Variants in PRCP observed in about 807,000 individuals in gnomAD.
The protein encoded by PRCP is lysosomal Pro-X carboxypeptidase.
A neutral mutation model predicts 54.2 loss-of-function variants in PRCP; 46 were observed. That is an observed-to-expected ratio of 0.85 (90% CI 0.67 to 1.09). PRCP has a LOEUF of 1.09. Among genes scored for constraint, PRCP ranks in the 50% least tolerant of loss-of-function variants. The pLI is 0.00. For synonymous variants in PRCP, 240 were observed against 212.2 expected, an observed-to-expected ratio of 1.13 and a Z score of -1.14; for missense variants, 613 against 596.8, an observed-to-expected ratio of 1.03 and a Z score of -0.28.
At chr11:82,889,983 CT>C (rs1342380577) in intron 1 of PRCP, among the ~76,000 whole-genome samples, 1 of 151,520 alleles carries the variant, frequency 6.6e-6, no homozygotes, top group Admixed American at 6.6e-5. Context: ...GTAATAGGGG[CT>C]GCAAAAAGGG....
At chr11:82,857,312 C>CA (rs1424870928) in intron 2 of PRCP, among the ~76,000 whole-genome samples, 1 of 152,182 alleles carries the variant, frequency 6.6e-6, no homozygotes, top group Non-Finnish European at 1.5e-5. Flanking sequence ...ATTATCACAG[C>CA]AATCTATGAA....
intron 8 of PRCP, chr11:82,830,124 C>T (rs576629077): frequency 2.0e-5 from 3 of 151,828 alleles, no homozygotes; most frequent in Non-Finnish European, 1.5e-5. Context: ...TACTGTGAGA[C>T]CCAAGTCAAA....
At chr11:82,836,735 A>G in intron 8 of PRCP, 1 of 229,074 alleles carries the variant, frequency 4.4e-6, no homozygotes, top group Non-Finnish European at 8.8e-6. Flanking sequence ...TTTTGTAGAG[A>G]TGGGGTTTCA....
intron 1 of PRCP, among the ~76,000 whole-genome samples, chr11:82,892,298 T>A (rs1860022530): frequency 6.6e-6 from 1 of 152,126 alleles, no homozygotes; most frequent in Admixed American, 6.5e-5. Context: ...ATATTAATAA[T>A]AATTAAAAAG....
At chr11:82,897,626 C>A (rs1360757566) in intron 1 of PRCP, among the ~76,000 whole-genome samples, 1 of 152,178 alleles carries the variant, frequency 6.6e-6, no homozygotes. Context: ...CAGTAAAAGT[C>A]ACTTGAGTCT....
At chr11:82,879,809 C>A (rs531448026) in intron 1 of PRCP, among the ~76,000 whole-genome samples, 3 of 152,310 alleles carry the variant, frequency 2.0e-5, no homozygotes, top group African/African-American at 7.2e-5. Context: ...CCCTTCCAGA[C>A]CCTGTTTGCC....
intron 1 of PRCP, chr11:82,899,942 T>G: frequency 1.9e-5 from 7 of 375,928 alleles, no homozygotes; most frequent in East Asian, 6.1e-5. Context: ...GGAGTTCGGA[T>G]TGGGGCACCC....
At chr11:82,871,184 T>TTG (rs1386583196) in intron 1 of PRCP, among the ~76,000 whole-genome samples, 2 of 148,428 alleles carry the variant, frequency 1.3e-5, no homozygotes, top group Non-Finnish European at 3.0e-5. Context: ...TCTCTTTTTT[T>TTG]TTTTTTTTTT....
intron 3 of PRCP, 22 bp downstream of exon 3, chr11:82,853,155 T>G: frequency 6.5e-7 from 1 of 1,537,314 alleles, no homozygotes; most frequent in Admixed American, 1.9e-5. Context: ...GCTTGTAACT[T>G]TTAAGTAAAA....
At chr11:82,892,251 T>C (rs1354290546) in intron 1 of PRCP, among the ~76,000 whole-genome samples, 1 of 152,188 alleles carries the variant, frequency 6.6e-6, no homozygotes, top group African/African-American at 2.4e-5. Flanking sequence ...TTAACCTCTA[T>C]GAGTTTCAAT....
chr11:82,891,025 A>C (rs1399636374), intron 1 of PRCP, among the ~76,000 whole-genome samples: 2 of 152,234 alleles, frequency 1.3e-5, no homozygotes, highest in Non-Finnish European at 1.5e-5. Flanking sequence ...ATGGTTTTAC[A>C]TACCATCTGT....
intron 5 of PRCP, 143 bp downstream of exon 5, chr11:82,849,771 T>G: frequency 1.3e-6 from 1 of 757,124 alleles, no homozygotes; most frequent in Non-Finnish European, 1.8e-6. Flanking sequence ...AAGCTACGCA[T>G]TTTGATTTGA....
rs1336695878 is a variant in PRCP at position 82,900,382 on chromosome 11, C to G, written c.21G>C (p.Leu7=). The stretch of plus-strand genomic sequence containing the variant: ...GCGCCAGAAAAGACAGAAGCAGGAG[C>G]AGGAGGGCTCGGCGGCCCATGGCTC... MGRRAL[L]LLLLSFLAPW... The change falls in exon 1 of 9, where the codon CTG becomes CTC. Residue 7 remains leucine (L), a synonymous_variant. Coordinates refer to ENST00000313010, the MANE Select transcript of PRCP (RefSeq NM_005040.4). 1.9e-6 allele frequency: 3 copies of G among 1,613,684 alleles called. No homozygotes were observed. The highest frequency in any genetic ancestry group is 2.2e-5 in the South Asian group (2 of 91,090).
At chr11:82,864,314 T>C (rs1859280046) in intron 1 of PRCP, among the ~76,000 whole-genome samples, 1 of 152,258 alleles carries the variant, frequency 6.6e-6, no homozygotes, top group Non-Finnish European at 1.5e-5. Context: ...TCATCAAGGA[T>C]ATCAACTTCT....
chr11:82,892,294 A>T (rs181302987), intron 1 of PRCP, among the ~76,000 whole-genome samples: 105 of 152,322 alleles, frequency 6.9e-4, no homozygotes, highest in African/African-American at 2.4e-3. Context: ...GATTATATTA[A>T]TAATAATTAA....
chr11:82,825,702 C>T (rs1858213994), intron 8 of PRCP: 1 of 152,274 alleles, frequency 6.6e-6, no homozygotes, highest in South Asian at 2.1e-4. Context: ...TAGTACAGTA[C>T]TTTGGGAAAC....
intron 1 of PRCP, among the ~76,000 whole-genome samples, chr11:82,872,855 CAAAG>C (rs1198464714): frequency 3.3e-5 from 5 of 152,010 alleles, no homozygotes; most frequent in Non-Finnish European, 7.4e-5. Context: ...AGGAGCCAGA[CAAAG>C]AAAGAACTCT....
chr11:82,851,334 C>T (rs941512913), intron 3 of PRCP, among the ~76,000 whole-genome samples: 10 of 151,816 alleles, frequency 6.6e-5, no homozygotes, highest in Non-Finnish European at 1.5e-5. Flanking sequence ...TATGTGACTA[C>T]CAAGGTTAGG....
rs181520798 is a variant in PRCP at position 82,878,023 on chromosome 11, G to A, written c.169-17906C>T. Among the ~76,000 whole-genome samples, 40 of 152,336 alleles carry A rather than the reference G, an allele frequency of 2.6e-4. No homozygotes were observed. The East Asian group carries it at 7.1e-3, about 27-fold the overall frequency. On this transcript the variant is annotated intron_variant, in intron 1 of 8. Transcript: ENST00000313010. The stretch of plus-strand genomic sequence containing the variant: ...ATGGGAACCCACCTCTTGCATCAGT[G>A]TGACCTGGATGTGAGACCTGGAGTC...
Sources: allele counts gnomAD v4.1 joint callset (sites outside exome capture counted in the v4.1 genomes callset), GRCh38; gene constraint gnomAD v4.1.1; transcripts MANE v1.5; gene names NCBI Gene and HGNC (gene_info 2026-07-23, HGNC 2026-07-21).